The following PTS variants were observed in gnomAD, a reference collection of about 807,000 sequenced individuals.
The protein encoded by PTS is 6-pyruvoyl tetrahydrobiopterin synthase.
A neutral mutation model predicts 20.6 loss-of-function variants in PTS; 23 were observed. The ratio of observed to expected loss-of-function variants is 1.12; its 90% confidence interval spans 0.80 to 1.58. The LOEUF is 1.58. Among genes scored for constraint, PTS ranks in the 40% most tolerant of loss-of-function variants. PTS has a pLI of 0.00. For synonymous variants in PTS, 65 were observed against 62.5 expected (o/e 1.04, Z -0.19); for missense variants, 186 against 182.4 (o/e 1.02, Z -0.11).
At chr11:112,233,111 A>C (rs1859962165) in intron 4 of PTS, 52 bp from the exon 5 acceptor site, 1 of 1,531,088 alleles carries the variant, frequency 6.5e-7, no homozygotes, top group South Asian at 1.1e-5. Context: ...AACAATTTGG[A>C]ATTTGAGTCG....
chr11:112,230,966 A>G (rs1255013958), intron 4 of PTS, among the ~76,000 whole-genome samples: 2 of 151,884 alleles, frequency 1.3e-5, no homozygotes, highest in Admixed American at 6.6e-5. Context: ...TCAGTTAACA[A>G]ATTCTCCATT....
chr11:112,227,686 C>T (rs1361650099), intron 1 of PTS, among the ~76,000 whole-genome samples: 2 of 151,942 alleles, frequency 1.3e-5, no homozygotes, highest in African/African-American at 2.4e-5. Flanking sequence ...TTTTAACAAC[C>T]AGCTCGCCCA....
intron 4 of PTS, among the ~76,000 whole-genome samples, chr11:112,231,658 T>G (rs2135409632): frequency 6.6e-6 from 1 of 152,296 alleles, no homozygotes; most frequent in East Asian, 1.9e-4. Context: ...GTTTTTGAGC[T>G]AAGTGTACAA....
intron 2 of PTS, 178 bp downstream of exon 2, chr11:112,228,851 A>G (rs1859897509): frequency 1.1e-5 from 7 of 646,848 alleles, no homozygotes; most frequent in Non-Finnish European, 1.9e-5. Flanking sequence ...GGTGTGTGTT[A>G]AGTTTTACCT....
chr11:112,228,931 A>G, intron 2 of PTS: 1 of 488,110 alleles, frequency 2.0e-6, no homozygotes, highest in South Asian at 2.6e-5. Context: ...GTCCTAGAGT[A>G]CACAACAAGT....
chr11:112,230,329 G>T, intron 3 of PTS, 99 bp downstream of exon 3: 1 of 1,411,078 alleles, frequency 7.1e-7, no homozygotes, highest in Non-Finnish European at 1.0e-6. Context: ...AGTCAGTATT[G>T]CTTCATTGTT....
chr11:112,230,175 C>G (rs1381499227), intron 2 of PTS, 33 bp from the exon 3 acceptor site: 15 of 1,601,678 alleles, frequency 9.4e-6, no homozygotes, highest in Non-Finnish European at 1.0e-5. Context: ...GAAAGTCATG[C>G]TGTTTTTTTT....
At chr11:112,226,974 T>C (rs1859873512) in intron 1 of PTS, among the ~76,000 whole-genome samples, 1 of 149,122 alleles carries the variant, frequency 6.7e-6, no homozygotes, top group Non-Finnish European at 1.5e-5. Flanking sequence ...TTGGCCACCA[T>C]ATCTAATGTA....
In PTS at chr11:112,232,483, C is replaced by T. The variant is rs142550197; in HGVS notation, c.244-680C>T. Among the ~76,000 whole-genome samples the T allele has an allele frequency of 4.2e-3, 633 of 152,206 alleles. 3 individuals are homozygous for T. Among genetic ancestry groups the T allele is most frequent in the South Asian group, 0.021 (102 of 4,826 alleles). On this transcript the variant is annotated intron_variant, in intron 4 of 5. Transcript: ENST00000280362. ...TATTAATGTACCCTTCTTCAAACTA[C>T]GTCCTATGGAAAATTACATTTTTTT...
Position 112,233,182 on chromosome 11 carries a change from T to A in PTS, c.263T>A (p.Leu88His). 1.2e-6 allele frequency: 2 copies of A among 1,614,096 alleles called. No individual in the cohort carries two copies. Among genetic ancestry groups the A allele is most frequent in the Non-Finnish European group, 1.7e-6 (2 of 1,179,944 alleles). Residue 88 changes from leucine to histidine, a missense_variant, in exon 5 of 6, where the codon CTT becomes CAT. By Grantham distance (99) the Leu-to-His change is moderately conservative (BLOSUM62 -3). Coordinates refer to ENST00000280362, the MANE Select transcript of PTS (RefSeq NM_000317.3). ...CTCTAGGAGGCGATTATGCAGCCCC[T>A]TGATCATAAGAATCTGGATATGGAT... ...KYMEEAIMQP[L>H]DHKNLDMDVP...
chr11:112,228,386 A>G (rs1181919596), intron 1 of PTS: 15 of 598,130 alleles, frequency 2.5e-5, no homozygotes, highest in Non-Finnish European at 4.1e-5. Flanking sequence ...TGTATGGTAC[A>G]ATCTTCTAAT....
chr11:112,233,070 G>C (rs1014064457), intron 4 of PTS, 93 bp from the exon 5 acceptor site: 1 of 1,155,296 alleles, frequency 8.7e-7, no homozygotes, highest in Non-Finnish European at 1.3e-6. Flanking sequence ...TAGTGGCTAA[G>C]TGATAAGGTG....
intron 4 of PTS, among the ~76,000 whole-genome samples, chr11:112,231,018 C>CTTT (rs1391811738): frequency 1.5e-5 from 2 of 137,420 alleles, no homozygotes; most frequent in Admixed American, 7.3e-5. Context: ...TACTGTCTTT[C>CTTT]TTTTTTTTTT....
In PTS at chr11:112,230,672, AATAT is replaced by A. The variant is rs1399026048; in HGVS notation, c.236_239del (p.Tyr79TrpfsTer25). 1 of 1,610,080 alleles carries A rather than the reference AATAT, an allele frequency of 6.2e-7. No individual in the cohort carries two copies. The highest frequency in any genetic ancestry group is 8.5e-7 in the Non-Finnish European group (1 of 1,176,422). On this transcript the variant is annotated frameshift_variant, in exon 4 of 6. Transcript: ENST00000280362. LOFTEE classifies it high-confidence loss of function. ...GTTATGAATCTGGCTGATCTCAAAA[AATAT>A]ATGGAGGTAATGGCATGTTGGGTGC...
chr11:112,231,528 T>C (rs996212752), intron 4 of PTS, among the ~76,000 whole-genome samples: 1 of 152,206 alleles, frequency 6.6e-6, no homozygotes, highest in African/African-American at 2.4e-5. Context: ...GTCATTTCAC[T>C]TGCAGCTTAG....
chr11:112,228,749 T>C (rs904807218), intron 2 of PTS, 76 bp downstream of exon 2: 10 of 1,334,930 alleles, frequency 7.5e-6, no homozygotes, highest in African/African-American at 7.2e-5. Flanking sequence ...ACATAAAGAA[T>C]GGGAAAACTT....
At chr11:112,226,550 C>G in intron 1 of PTS, 24 bp downstream of exon 1, 1 of 1,519,454 alleles carries the variant, frequency 6.6e-7, no homozygotes, top group Non-Finnish European at 8.8e-7. Flanking sequence ...ACAGGTACAG[C>G]GGCGGGCGGT....
chr11:112,228,876 T>C (rs1859897839), intron 2 of PTS: 1 of 608,996 alleles, frequency 1.6e-6, no homozygotes, highest in East Asian at 2.8e-5. Flanking sequence ...ATGTCAACTC[T>C]TACAAACAGT....
chr11:112,228,092 A>G (rs1303502779), intron 1 of PTS, among the ~76,000 whole-genome samples: 2 of 152,250 alleles, frequency 1.3e-5, no homozygotes, highest in African/African-American at 4.8e-5. Flanking sequence ...GCAGTAGTTG[A>G]GACATAGTAT....
Sources: allele counts gnomAD v4.1 joint callset (sites outside exome capture counted in the v4.1 genomes callset), GRCh38; gene constraint gnomAD v4.1.1; transcripts MANE v1.5; gene names NCBI Gene and HGNC (gene_info 2026-07-23, HGNC 2026-07-21).